Variants in SPOCK3 observed in about 807,000 individuals in gnomAD.
SPOCK3 encodes testican-3.
Under a neutral mutation model 56.6 loss-of-function variants are expected in SPOCK3, and 30 were observed. The observed-to-expected ratio is 0.53, with a 90% CI of 0.40 to 0.72. The LOEUF (loss-of-function observed/expected upper bound fraction) is 0.72, where lower values mean the gene tolerates loss of function less well. SPOCK3 is among the 30% of genes least tolerant of loss of function. The pLI is 0.00. For missense variants in SPOCK3, 527 were observed against 530.0 expected (o/e 0.99, Z 0.06); for synonymous variants, 196 against 183.3 (o/e 1.07, Z -0.56).
At chr4:167,044,176 G>C (rs566200807) in intron 3 of SPOCK3, among the ~76,000 whole-genome samples, 1 of 151,892 alleles carries the variant, frequency 6.6e-6, no homozygotes, top group Non-Finnish European at 1.5e-5. Flanking sequence ...TTAGCAGATT[G>C]TGTCTTTCAA....
chr4:167,148,887 T>A (rs1469768339), intron 2 of SPOCK3, among the ~76,000 whole-genome samples: 3 of 152,164 alleles, frequency 2.0e-5, no homozygotes, highest in South Asian at 2.1e-4. Context: ...CTAAAAAAAA[T>A]TTGGAACATT....
intron 4 of SPOCK3, among the ~76,000 whole-genome samples, chr4:166,976,915 TTTGA>T (rs1561076603): frequency 6.6e-6 from 1 of 151,658 alleles, no homozygotes; most frequent in Non-Finnish European, 1.5e-5. Context: ...TATTATACCA[TTTGA>T]TTCTTTTTAA....
At chr4:166,826,052 A>C (rs1745438674) in intron 6 of SPOCK3, among the ~76,000 whole-genome samples, 1 of 152,098 alleles carries the variant, frequency 6.6e-6, no homozygotes, top group South Asian at 2.1e-4. Context: ...TTTTTTAAGA[A>C]AGACAGTAAT....
chr4:166,750,771 G>A (rs976667447), intron 8 of SPOCK3, among the ~76,000 whole-genome samples: 3 of 152,090 alleles, frequency 2.0e-5, no homozygotes, highest in South Asian at 2.1e-4. Context: ...TTTAAAATAC[G>A]TATATGTTTC....
chr4:166,813,590 T>C (rs1744068995), intron 6 of SPOCK3, among the ~76,000 whole-genome samples: 2 of 151,900 alleles, frequency 1.3e-5, no homozygotes, highest in Non-Finnish European at 1.5e-5. Context: ...TTTTATAACA[T>C]AACATATGCT....
intron 3 of SPOCK3, among the ~76,000 whole-genome samples, chr4:167,032,759 T>A (rs1350190198): frequency 6.6e-6 from 1 of 151,978 alleles, no homozygotes; most frequent in Non-Finnish European, 1.5e-5. Context: ...TCAACTTAAA[T>A]GACATTTTGA....
intron 3 of SPOCK3, among the ~76,000 whole-genome samples, chr4:167,027,528 T>C (rs897672405): frequency 6.6e-5 from 10 of 152,146 alleles, no homozygotes; most frequent in Admixed American, 2.6e-4. Context: ...ATTTAAAACA[T>C]AGGGGTGGGG....
At chr4:166,802,643 C>T (rs186110358) in intron 6 of SPOCK3, among the ~76,000 whole-genome samples, 14 of 152,188 alleles carry the variant, frequency 9.2e-5, no homozygotes, top group African/African-American at 3.1e-4. Flanking sequence ...CTGGTACCAT[C>T]GGCTTGGGGA....
intron 6 of SPOCK3, among the ~76,000 whole-genome samples, chr4:166,881,815 C>G (rs1733714148): frequency 6.6e-6 from 1 of 152,074 alleles, no homozygotes; most frequent in Non-Finnish European, 1.5e-5. Flanking sequence ...CATTAATCTT[C>G]CATGCACAAA....
intron 4 of SPOCK3, among the ~76,000 whole-genome samples, chr4:166,952,665 A>T (rs951701448): frequency 2.6e-5 from 4 of 152,148 alleles, no homozygotes; most frequent in Non-Finnish European, 5.9e-5. Flanking sequence ...GAGGCATCAC[A>T]CTACCTGACT....
At chr4:167,073,831 A>G (rs755330489) in intron 2 of SPOCK3, among the ~76,000 whole-genome samples, 4 of 151,904 alleles carry the variant, frequency 2.6e-5, no homozygotes, top group Non-Finnish European at 4.4e-5. Flanking sequence ...AAATCTTTGA[A>G]CTAAAATATG....
At chr4:166,805,689 A>T (rs111421141) in intron 6 of SPOCK3, among the ~76,000 whole-genome samples, 1,773 of 152,216 alleles carry the variant, frequency 0.012, 19 homozygotes, top group Non-Finnish European at 0.019. Flanking sequence ...AATCAATTCT[A>T]GTAGCCATTA....
At chr4:166,742,313 A>T (rs1352584158) in intron 8 of SPOCK3, among the ~76,000 whole-genome samples, 1 of 152,038 alleles carries the variant, frequency 6.6e-6, no homozygotes, top group Admixed American at 6.6e-5. Flanking sequence ...GAGCACTCAT[A>T]CTACTTTCCT....
chr4:167,196,654 C>A (rs564026274), intron 2 of SPOCK3, among the ~76,000 whole-genome samples: 1 of 152,142 alleles, frequency 6.6e-6, no homozygotes, highest in South Asian at 2.1e-4. Flanking sequence ...CAGCTGCATT[C>A]TTTTCTAGAG....
At position 166,908,780 on chromosome 4, in the gene SPOCK3, G is replaced by A. The variant is rs189729284; in HGVS notation, c.474+3840C>T. Among the ~76,000 whole-genome samples the A allele has an allele frequency of 1.6e-3, 244 of 152,076 alleles. 1 individual carries two copies. Among genetic ancestry groups the A allele is most frequent in the African/African-American group, 5.4e-3 (224 of 41,528 alleles). ...ACGTACACTTTACATAACAAAGTGG[G>A]AAATACATCCATGATCTAACATAAA... On this transcript the variant is annotated intron_variant, in intron 5 of 10. Coordinates refer to ENST00000357545, the MANE Select transcript of SPOCK3 (RefSeq NM_001040159.2).
At chr4:166,994,372 C>G (rs912401771) in intron 4 of SPOCK3, among the ~76,000 whole-genome samples, 2 of 152,064 alleles carry the variant, frequency 1.3e-5, no homozygotes, top group African/African-American at 4.8e-5. Context: ...GTAACCTGTC[C>G]AAGATCACAT....
intron 2 of SPOCK3, among the ~76,000 whole-genome samples, chr4:167,142,022 T>C (rs1317532746): frequency 6.6e-6 from 1 of 152,052 alleles, no homozygotes; most frequent in Admixed American, 6.6e-5. Flanking sequence ...CAATGGCTTC[T>C]AAAGGAAAAT....
chr4:167,204,750 A>C (rs984365662), intron 2 of SPOCK3, among the ~76,000 whole-genome samples: 1 of 151,906 alleles, frequency 6.6e-6, no homozygotes, highest in Non-Finnish European at 1.5e-5. Context: ...CTAACCTTTT[A>C]AAGTCACTGT....
chr4:167,207,028 T>C (rs903827781), intron 2 of SPOCK3, among the ~76,000 whole-genome samples: 2 of 152,108 alleles, frequency 1.3e-5, no homozygotes, highest in African/African-American at 4.8e-5. Context: ...TATCACTATG[T>C]ATTGTATGTA....
Sources: allele counts gnomAD v4.1 joint callset (sites outside exome capture counted in the v4.1 genomes callset), GRCh38; gene constraint gnomAD v4.1.1; transcripts MANE v1.5; gene names NCBI Gene and HGNC (gene_info 2026-07-23, HGNC 2026-07-21).